MAGI2: variants seen among roughly 807,000 people sequenced by gnomAD.
The protein encoded by MAGI2 is membrane-associated guanylate kinase, WW and PDZ domain-containing protein 2.
In MAGI2, 35 loss-of-function variants were observed where a neutral mutation model predicts 133.3. That is an observed-to-expected ratio of 0.26 (90% CI 0.20 to 0.35). MAGI2 has a LOEUF of 0.35. Among genes scored for constraint, MAGI2 ranks in the 10% least tolerant of loss-of-function variants. The probability of loss-of-function intolerance (pLI) is 1.00; values close to 1 mark genes in which losing one functional copy is unlikely to be tolerated. For synonymous variants in MAGI2, 729 were observed against 710.6 expected (o/e 1.03, Z -0.41); for missense variants, 1,636 against 1,863.4 (o/e 0.88, Z 2.25).
At chr7:79,382,615 G>C (rs565623483) in intron 1 of MAGI2, among the ~76,000 whole-genome samples, 1 of 151,682 alleles carries the variant, frequency 6.6e-6, no homozygotes, top group South Asian at 2.1e-4. Flanking sequence ...CTCCACAAAT[G>C]TGTTTTTGTA....
intron 4 of MAGI2, among the ~76,000 whole-genome samples, chr7:78,504,781 T>C (rs1026030117): frequency 1.3e-5 from 2 of 152,166 alleles, no homozygotes; most frequent in African/African-American, 4.8e-5. Context: ...TATAAATGCC[T>C]ATCAATGAGA....
intron 1 of MAGI2, among the ~76,000 whole-genome samples, chr7:79,020,066 T>C (rs1261193400): frequency 6.6e-6 from 1 of 152,190 alleles, no homozygotes; most frequent in Non-Finnish European, 1.5e-5. Flanking sequence ...TTGACCAAAA[T>C]ACTGATAGTG....
At chr7:78,106,970 A>AGTAGTTTC (rs1186305862) in intron 20 of MAGI2, among the ~76,000 whole-genome samples, 20 of 152,258 alleles carry the variant, frequency 1.3e-4, no homozygotes, top group African/African-American at 4.6e-4. Flanking sequence ...AACTACTTTT[A>AGTAGTTTC]GTAGTTTCAT....
intron 2 of MAGI2, among the ~76,000 whole-genome samples, chr7:78,698,779 A>C (rs1038875592): frequency 2.0e-5 from 3 of 152,130 alleles, no homozygotes; most frequent in African/African-American, 7.2e-5. Flanking sequence ...AGTGTCAAAC[A>C]AAGCGGAGGG....
intron 2 of MAGI2, among the ~76,000 whole-genome samples, chr7:78,738,868 G>C (rs924023027): frequency 1.3e-5 from 2 of 152,066 alleles, no homozygotes; most frequent in African/African-American, 4.8e-5. Context: ...GAGTAAATAA[G>C]AAAGAAGAAA....
intron 1 of MAGI2, among the ~76,000 whole-genome samples, chr7:79,436,578 G>A (rs1157986965): frequency 6.6e-6 from 1 of 151,926 alleles, no homozygotes; most frequent in Non-Finnish European, 1.5e-5. Context: ...TAAACAAGTG[G>A]TCAAAAAACA....
At chr7:78,542,423 A>C (rs1359424611) in intron 3 of MAGI2, among the ~76,000 whole-genome samples, 3 of 152,234 alleles carry the variant, frequency 2.0e-5, no homozygotes, top group Admixed American at 6.5e-5. Context: ...AGGGAGCTTA[A>C]GAGCCCAGAA....
At chr7:78,883,373 C>A (rs1349562856) in intron 2 of MAGI2, among the ~76,000 whole-genome samples, 3 of 151,808 alleles carry the variant, frequency 2.0e-5, no homozygotes, top group Admixed American at 1.3e-4. Context: ...TGAAAGAAAT[C>A]AGAGATAACA....
chr7:78,958,245 T>C (rs935171881), intron 2 of MAGI2, among the ~76,000 whole-genome samples: 2 of 152,136 alleles, frequency 1.3e-5, no homozygotes, highest in Non-Finnish European at 2.9e-5. Context: ...AAAAAAATTA[T>C]AGTAGCAGGC....
intron 3 of MAGI2, among the ~76,000 whole-genome samples, chr7:78,552,261 G>T (rs374930168): frequency 1.4e-4 from 17 of 125,720 alleles, no homozygotes; most frequent in Admixed American, 2.1e-4. Context: ...TCAGCTCACC[G>T]CAACCTCCAC....
intron 2 of MAGI2, chr7:78,946,635 A>G (rs940306518): frequency 3.9e-5 from 6 of 152,188 alleles, no homozygotes; most frequent in African/African-American, 1.4e-4. Context: ...AGAGGTGGGT[A>G]TAAACTGAAA....
intron 7 of MAGI2, among the ~76,000 whole-genome samples, chr7:78,363,233 C>T (rs192018040): frequency 6.6e-6 from 1 of 152,296 alleles, no homozygotes; most frequent in East Asian, 1.9e-4. Flanking sequence ...GTGGCTCACA[C>T]CTGTAATCCC....
At chr7:79,084,008 T>A (rs1435262087) in intron 1 of MAGI2, among the ~76,000 whole-genome samples, 3 of 151,724 alleles carry the variant, frequency 2.0e-5, no homozygotes, top group South Asian at 4.1e-4. Flanking sequence ...GTAATGACAC[T>A]CCCTTTTTAA....
Position 78,562,516 on chromosome 7 carries a change from G to T in MAGI2, c.539-40871C>A, listed in dbSNP as rs139842550. 2.6e-5 allele frequency among the ~76,000 whole-genome samples: 4 copies of T among 152,196 alleles called. No individual in the cohort carries two copies. In the East Asian group the frequency reaches 5.8e-4, roughly 22 times the overall value. ...TGCAATGGAGACATATAGAATGAAT[G>T]CAAAAAGGCATCTGCTATTTATAAA... On this transcript the variant is annotated intron_variant, in intron 3 of 21. Coordinates refer to ENST00000354212, the MANE Select transcript of MAGI2 (RefSeq NM_012301.4).
chr7:78,627,802 A>AT (rs1467092742), intron 2 of MAGI2, among the ~76,000 whole-genome samples: 7 of 152,238 alleles, frequency 4.6e-5, no homozygotes, highest in African/African-American at 1.7e-4. Flanking sequence ...ATTACTTAAA[A>AT]TTAAATAATT....
chr7:78,096,188 T>C (rs926224926), intron 20 of MAGI2, among the ~76,000 whole-genome samples: 1 of 152,252 alleles, frequency 6.6e-6, no homozygotes, highest in Non-Finnish European at 1.5e-5. Flanking sequence ...TGGAGGAAGA[T>C]AATGTAGCAA....
chr7:79,223,893 G>A (rs889600948), intron 1 of MAGI2, among the ~76,000 whole-genome samples: 3 of 151,960 alleles, frequency 2.0e-5, no homozygotes, highest in Non-Finnish European at 4.4e-5. Context: ...GCCAGTGCTT[G>A]GCCATCTTAA....
At chr7:78,805,014 G>A (rs1213344460) in intron 2 of MAGI2, among the ~76,000 whole-genome samples, 2 of 151,116 alleles carry the variant, frequency 1.3e-5, no homozygotes, top group Non-Finnish European at 2.9e-5. Context: ...GTTGCAGCGA[G>A]CCAAGATCAC....
At chr7:78,400,858 T>C (rs1796791564) in intron 6 of MAGI2, among the ~76,000 whole-genome samples, 1 of 152,162 alleles carries the variant, frequency 6.6e-6, no homozygotes, top group Non-Finnish European at 1.5e-5. Context: ...TAAGTTTATG[T>C]ATATTATTTC....
Sources: gnomAD v4.1 joint callset for allele counts (sites outside exome capture counted in the v4.1 genomes callset) on GRCh38, gnomAD v4.1.1 for gene constraint, MANE v1.5 for transcripts, NCBI Gene and HGNC (gene_info 2026-07-23, HGNC 2026-07-21) for gene names.